The following SHPRH variants were observed in gnomAD, a reference collection of about 807,000 sequenced individuals.
SHPRH encodes the protein E3 ubiquitin-protein ligase SHPRH.
In SHPRH, 106 loss-of-function variants were observed where a neutral mutation model predicts 202.5. The observed-to-expected ratio is 0.52, with a 90% CI of 0.45 to 0.62. The LOEUF (loss-of-function observed/expected upper bound fraction) is 0.62. Among genes scored for constraint, SHPRH ranks in the 20% least tolerant of loss-of-function variants. SHPRH has a pLI of 0.00. For missense variants in SHPRH, 1,710 were observed against 2,020.0 expected (o/e 0.85, Z 2.94); for synonymous variants, 729 against 686.0 (o/e 1.06, Z -0.98).
intron 14 of SHPRH, among the ~76,000 whole-genome samples, chr6:145,930,214 A>G (rs1406119108): frequency 6.6e-6 from 1 of 152,112 alleles, no homozygotes; most frequent in Non-Finnish European, 1.5e-5. Context: ...ACAACTACAG[A>G]CGGGCTACTC....
At chr6:145,896,860 A>C (rs948954650) in intron 25 of SHPRH, among the ~76,000 whole-genome samples, 6 of 152,066 alleles carry the variant, frequency 3.9e-5, no homozygotes, top group Non-Finnish European at 7.4e-5. Flanking sequence ...TGAAAATGGA[A>C]ATACAACATA....
At chr6:145,865,979 G>A (rs1172126714) in intron 2 of SHPRH, among the ~76,000 whole-genome samples, 1 of 152,166 alleles carries the variant, frequency 6.6e-6, no homozygotes, top group Non-Finnish European at 1.5e-5. Context: ...GGCCCTATTT[G>A]GAAATCTATG....
In SHPRH at chr6:145,919,467, G is replaced by A. The variant is rs1332925942; in HGVS notation, c.4033C>T (p.Leu1345=). Residue 1345 remains leucine, a synonymous_variant, in exon 22 of 30, where the codon CTG becomes TTG. Transcript: ENST00000275233. The part of the protein sequence containing the change: ...YKLLHEYWMA[L]RNRVSAVDEL... ...TCAACAGCAGACACACGATTCCTCA[G>A]AGCCATCCAATATTCATGAAGCAAC... 3 of 1,612,764 alleles carry A rather than the reference G, an allele frequency of 1.9e-6. No individual in the cohort carries two copies. The highest frequency in any genetic ancestry group is 2.5e-6 in the Non-Finnish European group (3 of 1,179,284).
intron 14 of SHPRH, among the ~76,000 whole-genome samples, chr6:145,928,939 TAA>T (rs1785153694): frequency 6.6e-6 from 1 of 152,060 alleles, no homozygotes; most frequent in South Asian, 2.1e-4. Context: ...TTTTTTTAGT[TAA>T]GAGTCTTGAT....
chr6:145,948,802 A>G (rs1787670499), intron 4 of SHPRH, among the ~76,000 whole-genome samples: 1 of 152,060 alleles, frequency 6.6e-6, no homozygotes, highest in African/African-American at 2.4e-5. Context: ...TACGGGTCTG[A>G]GAGTGGGAAG....
At chr6:145,877,304 G>A (rs1331755576) in intron 2 of SHPRH, among the ~76,000 whole-genome samples, 1 of 152,128 alleles carries the variant, frequency 6.6e-6, no homozygotes, top group Non-Finnish European at 1.5e-5. Flanking sequence ...CCAATTTTCT[G>A]TATCCTTAAC....
chr6:145,871,174 CT>C (rs1188809103), intron 2 of SHPRH: 1 of 152,184 alleles, frequency 6.6e-6, no homozygotes, highest in Non-Finnish European at 1.5e-5. Context: ...CTCCCAACCC[CT>C]ATTCAATATA....
In SHPRH at chr6:145,950,370, T is replaced by A; in HGVS notation, c.876A>T (p.Gln292His). ...TCAATGCAGGATGCTGGACATCCAC[T>A]TGGATGGACTGCGTTTCTTGCTGAT... ...QTHQQETQSIQVDVQHPALIP... is the reference protein window; with the variant it reads ...QTHQQETQSIHVDVQHPALIP... Residue 292 changes from glutamine (Q) to histidine (H), a missense_variant, in exon 4 of 30, where the codon CAA becomes CAT. Gln to His is a conservative substitution (Grantham distance 24). Transcript: ENST00000275233. The A allele has an allele frequency of 6.2e-7, 1 of 1,613,308 alleles. No individual in the cohort carries two copies. The highest frequency in any genetic ancestry group is 8.5e-7 in the Non-Finnish European group (1 of 1,179,440).
At chr6:145,884,029 G>A (rs1780783843), downstream of SHPRH, 1 of 152,160 alleles carries the variant, frequency 6.6e-6, no homozygotes. Flanking sequence ...TTAAATGAGA[G>A]CAGGAGATTA....
rs779838835 is a variant in SHPRH, at chr6:145,946,217, G to A, written c.1321+16C>T. The A allele has an allele frequency of 7.6e-6, 12 of 1,582,848 alleles. No individual in the cohort carries two copies. The highest frequency in any genetic ancestry group is 1.0e-5 in the Non-Finnish European group (12 of 1,158,312). On this transcript the variant is annotated intron_variant, in intron 7 of 29. Coordinates refer to ENST00000275233, the MANE Select transcript of SHPRH (RefSeq NM_001042683.3). The stretch of plus-strand genomic sequence containing the variant: ...CACTATAAGAAGGTATTTCCTTTAA[G>A]AGATGTCTTACTTACGAGGGCATTG...
At chr6:145,933,912 G>A (rs535427770) in intron 13 of SHPRH, among the ~76,000 whole-genome samples, 9 of 152,152 alleles carry the variant, frequency 5.9e-5, no homozygotes, top group South Asian at 2.1e-4. Flanking sequence ...AATATTTAAC[G>A]GTAATCTAAC....
intron 1 of SHPRH, among the ~76,000 whole-genome samples, chr6:145,959,184 T>C (rs897735986): frequency 6.6e-6 from 1 of 152,140 alleles, no homozygotes; most frequent in Non-Finnish European, 1.5e-5. Context: ...TGTACAGTGT[T>C]TACAAAGTCT....
At chr6:145,894,056 T>G (rs192252127) in intron 27 of SHPRH, 94 bp downstream of exon 27, 1 of 828,304 alleles carries the variant, frequency 1.2e-6, no homozygotes, top group Admixed American at 3.5e-5. Context: ...GTGGCTTATA[T>G]GGCATGAGAC....
chr6:145,888,197 G>T, intron 28 of SHPRH, 97 bp from the exon 29 acceptor site: 1 of 831,898 alleles, frequency 1.2e-6, no homozygotes, highest in Non-Finnish European at 1.9e-6. Context: ...TCAGTCAGTT[G>T]GTGCCCACTT....
intron 26 of SHPRH, 142 bp downstream of exon 26, chr6:145,894,743 T>A (rs1438909386): frequency 1.2e-5 from 7 of 605,942 alleles, no homozygotes; most frequent in Non-Finnish European, 1.9e-5. Flanking sequence ...AATAATTCTA[T>A]CTTCTCTAAA....
At chr6:145,872,456 T>C (rs1780099499) in intron 2 of SHPRH, among the ~76,000 whole-genome samples, 1 of 152,146 alleles carries the variant, frequency 6.6e-6, no homozygotes, top group Non-Finnish European at 1.5e-5. Flanking sequence ...CATCACTAAT[T>C]ATTAGATAAA....
intron 26 of SHPRH, 67 bp from the exon 27 acceptor site, chr6:145,894,303 A>C (rs1241127333): frequency 2.4e-6 from 3 of 1,225,078 alleles, no homozygotes; most frequent in Non-Finnish European, 3.3e-6. Flanking sequence ...GTATCTGAAA[A>C]GGAAATAAAT....
intron 23 of SHPRH, among the ~76,000 whole-genome samples, chr6:145,916,835 T>C (rs1486648304): frequency 6.6e-6 from 1 of 151,952 alleles, no homozygotes; most frequent in Non-Finnish European, 1.5e-5. Flanking sequence ...TAGGCTGGAG[T>C]GCAATGGCGC....
At chr6:145,893,985 C>G (rs537186289) in intron 27 of SHPRH, among the ~76,000 whole-genome samples, 165 bp downstream of exon 27, 3 of 151,862 alleles carry the variant, frequency 2.0e-5, no homozygotes, top group Admixed American at 6.6e-5. Flanking sequence ...CTGAAAATAC[C>G]TGCAGTCTCT....
Sources: allele counts gnomAD v4.1 joint callset (sites outside exome capture counted in the v4.1 genomes callset), GRCh38; gene constraint gnomAD v4.1.1; transcripts MANE v1.5; gene names NCBI Gene and HGNC (gene_info 2026-07-23, HGNC 2026-07-21).